The following NFIA variants were observed in gnomAD, a reference collection of about 807,000 sequenced individuals.
The protein encoded by NFIA is nuclear factor I A.
In NFIA, 8 loss-of-function variants were observed where a neutral mutation model predicts 62.8. The observed-to-expected ratio is 0.13, with a 90% confidence interval of 0.07 to 0.23. The LOEUF (loss-of-function observed/expected upper bound fraction) is 0.23. Ranked by LOEUF, NFIA falls within the 10% of genes least tolerant of loss-of-function variation. The pLI, the probability that NFIA is intolerant of heterozygous loss-of-function variation, is 1.00. For missense variants in NFIA, 410 were observed against 642.1 expected (o/e 0.64, Z 3.91); for synonymous variants, 235 against 238.1 (o/e 0.99, Z 0.12).
At chr1:61,385,382 C>A (rs1664628093) in intron 7 of NFIA, among the ~76,000 whole-genome samples, 1 of 152,220 alleles carries the variant, frequency 6.6e-6, no homozygotes, top group African/African-American at 2.4e-5. Flanking sequence ...TGCCAGCAAT[C>A]AGGAGAGCTG....
chr1:61,351,792 G>T (rs561664154), intron 4 of NFIA, among the ~76,000 whole-genome samples: 28 of 152,188 alleles, frequency 1.8e-4, no homozygotes, highest in Non-Finnish European at 4.0e-4. Context: ...TATGGTCTCT[G>T]TTGCAGCTAC....
intron 10 of NFIA, among the ~76,000 whole-genome samples, chr1:61,446,910 C>T (rs1378166592): frequency 6.6e-5 from 10 of 152,144 alleles, no homozygotes; most frequent in Admixed American, 2.0e-4. Context: ...TGCTGAGCTC[C>T]GGCCTCCACT....
chr1:61,217,110 G>A (rs1023083057), intron 2 of NFIA, among the ~76,000 whole-genome samples: 7 of 147,470 alleles, frequency 4.7e-5, no homozygotes, highest in African/African-American at 1.5e-4. Context: ...AGGCTAGAGT[G>A]CAGTGGCGCA....
At chr1:61,256,196 G>A (rs1041134162) in intron 2 of NFIA, among the ~76,000 whole-genome samples, 2 of 152,120 alleles carry the variant, frequency 1.3e-5, no homozygotes, top group Non-Finnish European at 2.9e-5. Context: ...GGGAGGCCAA[G>A]GCGGGTGGAT....
chr1:61,266,752 T>C (rs1400473837), intron 2 of NFIA, among the ~76,000 whole-genome samples: 1 of 152,138 alleles, frequency 6.6e-6, no homozygotes, highest in Non-Finnish European at 1.5e-5. Flanking sequence ...AACAAACATG[T>C]GTTAGTATCT....
chr1:61,225,064 T>C (rs1036052653), intron 2 of NFIA, among the ~76,000 whole-genome samples: 1 of 152,096 alleles, frequency 6.6e-6, no homozygotes, highest in African/African-American at 2.4e-5. Context: ...GACATAGGAA[T>C]CTATTGAACC....
At chr1:61,278,951 A>C (rs1445873873) in intron 3 of NFIA, among the ~76,000 whole-genome samples, 1 of 152,242 alleles carries the variant, frequency 6.6e-6, no homozygotes, top group East Asian at 1.9e-4. Flanking sequence ...GAAGAGTTAA[A>C]TAAGATAATA....
chr1:61,402,008 G>A (rs1335560815), intron 7 of NFIA, among the ~76,000 whole-genome samples: 3 of 148,990 alleles, frequency 2.0e-5, no homozygotes. Context: ...TTCATTGCAG[G>A]AAGTCCTAAG....
intron 7 of NFIA, among the ~76,000 whole-genome samples, chr1:61,387,462 C>T (rs933221766): frequency 7.7e-6 from 1 of 129,146 alleles, no homozygotes; most frequent in Non-Finnish European, 1.6e-5. Context: ...TCAGCTCAAG[C>T]ACTTTCTTTT....
chr1:61,128,673 CG>C (rs981566552), intron 2 of NFIA, among the ~76,000 whole-genome samples: 1 of 151,962 alleles, frequency 6.6e-6, no homozygotes, highest in African/African-American at 2.4e-5. Flanking sequence ...AGCATAACCC[CG>C]ATCACATGTT....
chr1:61,378,454 G>A (rs1664255408), intron 6 of NFIA, among the ~76,000 whole-genome samples: 1 of 152,018 alleles, frequency 6.6e-6, no homozygotes, highest in African/African-American at 2.4e-5. Context: ...TAAAAATAAG[G>A]GAAACTTTCA....
chr1:61,435,331 A>G (rs1452356064), intron 10 of NFIA, among the ~76,000 whole-genome samples: 1 of 152,178 alleles, frequency 6.6e-6, no homozygotes, highest in African/African-American at 2.4e-5. Context: ...AGAAACCCCA[A>G]TTAAGTGTGG....
At chr1:61,218,889 ATTAAC>A (rs2100614117) in intron 2 of NFIA, among the ~76,000 whole-genome samples, 1 of 152,330 alleles carries the variant, frequency 6.6e-6, no homozygotes, top group Admixed American at 6.5e-5. Context: ...AAAAAGCAGC[ATTAAC>A]TTGTGTTTTT....
intron 10 of NFIA, among the ~76,000 whole-genome samples, chr1:61,443,275 G>A (rs1667667286): frequency 6.6e-6 from 1 of 151,888 alleles, no homozygotes; most frequent in Non-Finnish European, 1.5e-5. Context: ...AGATAAAAAA[G>A]CATCAGTTAC....
In NFIA at chr1:61,319,940, A is replaced by G. The variant is rs770205953; in HGVS notation, c.626-12572A>G. Among the ~76,000 whole-genome samples, 98 of 152,002 alleles carry G rather than the reference A, an allele frequency of 6.4e-4. 1 individual carries two copies. Among genetic ancestry groups the G allele is most frequent in the South Asian group, 2.1e-4 (1 of 4,824 alleles). On this transcript the variant is annotated intron_variant, in intron 3 of 10. Coordinates refer to ENST00000403491, the MANE Select transcript of NFIA (RefSeq NM_001134673.4). ...TGCAGTCTTTTATACCAGGCCTCAG[A>G]TCTGTGTTCTCTATTCACACATGCT...
At chr1:61,228,248 C>G (rs1332955552) in intron 2 of NFIA, among the ~76,000 whole-genome samples, 1 of 152,016 alleles carries the variant, frequency 6.6e-6, no homozygotes, top group Non-Finnish European at 1.5e-5. Context: ...ATTTTTCATC[C>G]CATTAATAAG....
chr1:61,314,624 A>G (rs1278277776), intron 3 of NFIA, among the ~76,000 whole-genome samples: 2 of 152,170 alleles, frequency 1.3e-5, no homozygotes, highest in Non-Finnish European at 2.9e-5. Flanking sequence ...CTGTCTGACA[A>G]TGGTACTCAC....
chr1:61,373,379 C>T (rs556700970), intron 6 of NFIA, among the ~76,000 whole-genome samples: 1 of 152,262 alleles, frequency 6.6e-6, no homozygotes, highest in African/African-American at 2.4e-5. Flanking sequence ...TTGAAGAGGG[C>T]TAAAATTTTC....
intron 2 of NFIA, among the ~76,000 whole-genome samples, chr1:61,261,223 T>G (rs145660744): frequency 3.5e-4 from 53 of 152,296 alleles, no homozygotes; most frequent in African/African-American, 1.2e-3. Flanking sequence ...GAGGGGTTGT[T>G]AAGCCAAATA....
Sources: gnomAD v4.1 joint callset for allele counts (sites outside exome capture counted in the v4.1 genomes callset) on GRCh38, gnomAD v4.1.1 for gene constraint, MANE v1.5 for transcripts, NCBI Gene and HGNC (gene_info 2026-07-23, HGNC 2026-07-21) for gene names.